Variants in C8A observed in about 807,000 individuals in gnomAD.
C8A encodes the protein complement component C8 alpha chain.
A neutral mutation model predicts 65.3 loss-of-function variants in C8A; 67 were observed. The ratio of observed to expected loss-of-function variants is 1.03; its 90% confidence interval spans 0.84 to 1.26. The LOEUF is 1.26. Among genes scored for constraint, C8A ranks in the 50% most tolerant of loss-of-function variants. C8A has a pLI of 0.00. For synonymous variants in C8A, 290 were observed against 259.4 expected (o/e 1.12, Z -1.13); for missense variants, 781 against 723.9 (o/e 1.08, Z -0.90).
intron 6 of C8A, among the ~76,000 whole-genome samples, chr1:56,885,344 AAAT>A (rs1644284119): frequency 9.5e-6 from 1 of 105,154 alleles, no homozygotes; most frequent in Non-Finnish European, 2.0e-5. Flanking sequence ...ATATTTACAT[AAAT>A]ATATATTTAT....
chr1:56,899,916 G>T (rs1262362998), intron 7 of C8A, among the ~76,000 whole-genome samples: 1 of 152,184 alleles, frequency 6.6e-6, no homozygotes, highest in Non-Finnish European at 1.5e-5. Context: ...TAAACAATTT[G>T]CCCACATAGT....
intron 3 of C8A, 30 bp downstream of exon 3, chr1:56,875,123 G>C (rs1405403866): frequency 1.9e-6 from 3 of 1,610,512 alleles, no homozygotes; most frequent in South Asian, 1.1e-5. Flanking sequence ...AATAACAGCT[G>C]TGCCTGTCAA....
chr1:56,885,910 A>G lies in C8A; in HGVS notation c.856-17A>G. 3 of 1,613,768 alleles carry G rather than the reference A, an allele frequency of 1.9e-6. No individual in the cohort carries two copies. Among genetic ancestry groups the G allele is most frequent in the Non-Finnish European group, 2.5e-6 (3 of 1,179,858 alleles). On this transcript the variant is annotated splice_polypyrimidine_tract_variant and intron_variant, in intron 6 of 10. Coordinates refer to ENST00000361249, the MANE Select transcript of C8A (RefSeq NM_000562.3). Reference sequence around the variant, plus strand: ...TCTCTTTGTTCTTTTGCTTTATTCAATGGCGGTTGCTGGCAGAAATTCATT... The same window carrying G: ...TCTCTTTGTTCTTTTGCTTTATTCAGTGGCGGTTGCTGGCAGAAATTCATT...
chr1:56,917,449 G>T (rs1644561446), intron 10 of C8A, 116 bp from the exon 11 acceptor site: 2 of 1,004,176 alleles, frequency 2.0e-6, no homozygotes, highest in Non-Finnish European at 3.1e-6. Context: ...ACCAGAGGAG[G>T]GGAGGCCAGT....
chr1:56,915,566 C>A (rs1388287138), intron 10 of C8A, among the ~76,000 whole-genome samples: 1 of 152,186 alleles, frequency 6.6e-6, no homozygotes, highest in Non-Finnish European at 1.5e-5. Flanking sequence ...CCCAAGGGGA[C>A]CAAAGATCAA....
intron 5 of C8A, among the ~76,000 whole-genome samples, chr1:56,882,741 T>C: frequency 6.6e-6 from 1 of 152,108 alleles, no homozygotes. Context: ...AGGAAGGTCT[T>C]GGGGCTCTGT....
At chr1:56,890,638 G>A (rs1644337339) in intron 7 of C8A, among the ~76,000 whole-genome samples, 1 of 151,980 alleles carries the variant, frequency 6.6e-6, no homozygotes, top group African/African-American at 2.4e-5. Flanking sequence ...TTTCTTTGTT[G>A]TTGTTGTTGT....
At chr1:56,881,786 C>G in intron 5 of C8A, 152 bp downstream of exon 5, 1 of 749,492 alleles carries the variant, frequency 1.3e-6, no homozygotes, top group Non-Finnish European at 2.3e-6. Flanking sequence ...CCCACACATG[C>G]TTAGTGTCGA....
At position 56,881,477 on chromosome 1, in the gene C8A, G is replaced by C. The variant is rs780922319; in HGVS notation, c.497G>C (p.Ser166Thr). 6.2e-7 allele frequency: 1 copy of C among 1,613,638 alleles called. No individual in the cohort carries two copies. Among genetic ancestry groups the C allele is most frequent in the Non-Finnish European group, 8.5e-7 (1 of 1,179,740 alleles). Residue 166 changes from serine (S) to threonine (T), a missense_variant, in exon 5 of 11, where the codon AGT (serine) becomes ACT (threonine). By Grantham distance (58) the Ser-to-Thr change is moderately conservative (BLOSUM62 1). Coordinates refer to ENST00000361249, the MANE Select transcript of C8A (RefSeq NM_000562.3). ...ATCCTGACCCAGGAAGATGCTCAGAGTGTGTACGATGCCAGTTATTATGGG... is the reference window on the plus strand; with the variant it reads ...ATCCTGACCCAGGAAGATGCTCAGACTGTGTACGATGCCAGTTATTATGGG... ...YNILTQEDAQ[S>T]VYDASYYGGQ... is the part of the protein sequence containing the mutation.
intron 7 of C8A, among the ~76,000 whole-genome samples, chr1:56,903,089 T>A (rs1323456840): frequency 4.6e-5 from 7 of 152,186 alleles, no homozygotes; most frequent in Admixed American, 4.6e-4. Context: ...TTTGGTATTT[T>A]GTCTGTAGGG....
intron 2 of C8A, among the ~76,000 whole-genome samples, chr1:56,869,510 CT>C (rs1229121663): frequency 2.0e-5 from 3 of 152,176 alleles, no homozygotes; most frequent in African/African-American, 4.8e-5. Context: ...ATATAATGAC[CT>C]TTTTTTCCGC....
At chr1:56,862,464 C>A (rs998984224) in intron 1 of C8A, among the ~76,000 whole-genome samples, 1 of 152,248 alleles carries the variant, frequency 6.6e-6, no homozygotes, top group African/African-American at 2.4e-5. Flanking sequence ...TGTTATTGAG[C>A]ATTTTGAATC....
At chr1:56,884,186 A>G (rs1169797750) in intron 6 of C8A, among the ~76,000 whole-genome samples, 1 of 152,116 alleles carries the variant, frequency 6.6e-6, no homozygotes, top group African/African-American at 2.4e-5. Flanking sequence ...GCTTAGATCT[A>G]AAGATTAGTG....
At chr1:56,863,310 G>A (rs1644052208) in intron 1 of C8A, among the ~76,000 whole-genome samples, 1 of 152,134 alleles carries the variant, frequency 6.6e-6, no homozygotes, top group Non-Finnish European at 1.5e-5. Flanking sequence ...TTGGCTAAAA[G>A]GTTGGAGCCC....
chr1:56,870,062 G>A (rs1644128900), intron 2 of C8A, among the ~76,000 whole-genome samples: 1 of 152,118 alleles, frequency 6.6e-6, no homozygotes. Flanking sequence ...GACTGTTCCT[G>A]TTTAAATGTG....
At chr1:56,876,327 G>C (rs1434316856) in intron 4 of C8A, 118 bp downstream of exon 4, 1 of 1,198,494 alleles carries the variant, frequency 8.3e-7, no homozygotes, top group East Asian at 2.4e-5. Context: ...TGCATGCTGT[G>C]AGCTGCTCTC....
In C8A at chr1:56,887,276, C is replaced by T. The variant is rs956689591; in HGVS notation, c.1096+1109C>T. Among the ~76,000 whole-genome samples, 3 of 152,166 alleles carry T rather than the reference C, an allele frequency of 2.0e-5. No homozygotes were observed. The South Asian group carries it at 6.2e-4, about 32-fold the overall frequency. On this transcript the variant is annotated intron_variant, in intron 7 of 10. Coordinates refer to ENST00000361249, the MANE Select transcript of C8A (RefSeq NM_000562.3). ...TGGTTCTAGATCCTTGAGGAATTGA[C>T]ACACTATTTTCCACAATGGCTAAAC... is the stretch of plus-strand genomic sequence containing the variant.
intron 7 of C8A, 50 bp from the exon 8 acceptor site, chr1:56,906,617 G>A (rs746782649): frequency 3.1e-6 from 5 of 1,610,446 alleles, no homozygotes; most frequent in Non-Finnish European, 4.2e-6. Context: ...ACCATGTCAA[G>A]TGTCTTTTAA....
At chr1:56,899,272 CT>C (rs1388431510) in intron 7 of C8A, among the ~76,000 whole-genome samples, 1 of 152,160 alleles carries the variant, frequency 6.6e-6, no homozygotes, top group African/African-American at 2.4e-5. Context: ...AGGAGAAAAG[CT>C]GAGATGGTGT....
Sources: gnomAD v4.1 joint callset for allele counts (sites outside exome capture counted in the v4.1 genomes callset) on GRCh38, gnomAD v4.1.1 for gene constraint, MANE v1.5 for transcripts, NCBI Gene and HGNC (gene_info 2026-07-23, HGNC 2026-07-21) for gene names.